Variants in ANOS1 observed in about 807,000 individuals in gnomAD.
ANOS1 encodes the protein anosmin 1.
ANOS1 carries 6 observed loss-of-function variants against 59.0 expected under a neutral mutation model. The ratio of observed to expected loss-of-function variants is 0.10; its 90% confidence interval spans 0.06 to 0.20. The LOEUF (loss-of-function observed/expected upper bound fraction) is 0.20. Among genes scored for constraint, ANOS1 ranks in the 10% least tolerant of loss-of-function variants. The probability of loss-of-function intolerance (pLI) is 1.00; values close to 1 mark genes in which losing one functional copy is unlikely to be tolerated. For missense variants in ANOS1, 433 were observed against 542.3 expected (o/e 0.80, Z 2.00); for synonymous variants, 217 against 223.4 (o/e 0.97, Z 0.25).
At chrX:8,661,682 G>A (rs1932040426) in intron 2 of ANOS1, among the ~76,000 whole-genome samples, 1 of 111,325 alleles carries the variant, frequency 9.0e-6, no homozygotes, top group Non-Finnish European at 1.9e-5. Flanking sequence ...AAGGGTTGCA[G>A]CCATAACAAA....
intron 1 of ANOS1, among the ~76,000 whole-genome samples, chrX:8,703,906 C>T (rs1305169566): frequency 1.8e-5 from 2 of 111,875 alleles, no homozygotes; most frequent in African/African-American, 3.2e-5. Flanking sequence ...CTGTGCAGGA[C>T]ACACCTTGAT....
intron 8 of ANOS1, chrX:8,566,296 A>G (rs1371178062): frequency 4.1e-6 from 3 of 728,415 alleles, no homozygotes; most frequent in Non-Finnish European, 4.9e-6. Flanking sequence ...GGCAGAAACC[A>G]AAATACATCA....
At chrX:8,684,557 G>T (rs1569082133) in intron 2 of ANOS1, among the ~76,000 whole-genome samples, 1 of 110,876 alleles carries the variant, frequency 9.0e-6, no homozygotes, top group African/African-American at 3.3e-5. Context: ...AGGAGGAGGG[G>T]AGGGTTATCC....
intron 1 of ANOS1, among the ~76,000 whole-genome samples, chrX:8,720,421 T>TA (rs78333056): frequency 3.6e-5 from 4 of 110,960 alleles, no homozygotes; most frequent in African/African-American, 9.8e-5. Context: ...TGGATAGGCC[T>TA]AAAAAAAAGC....
intron 1 of ANOS1, among the ~76,000 whole-genome samples, chrX:8,710,080 G>A (rs1008359222): frequency 1.6e-4 from 18 of 110,785 alleles, no homozygotes; most frequent in African/African-American, 4.3e-4. Context: ...GCAGGTGCCC[G>A]CCACCACGCC....
intron 8 of ANOS1, among the ~76,000 whole-genome samples, chrX:8,554,769 C>T (rs1929923000): frequency 1.8e-5 from 2 of 108,616 alleles, no homozygotes; most frequent in Non-Finnish European, 3.8e-5. Flanking sequence ...GACTCCCACA[C>T]AATAATAGTG....
At chrX:8,621,031 A>G (rs1180078183) in intron 3 of ANOS1, among the ~76,000 whole-genome samples, 1 of 112,010 alleles carries the variant, frequency 8.9e-6, no homozygotes, top group Admixed American at 9.5e-5. Context: ...ACTGATATTT[A>G]GGGATAATAA....
chrX:8,663,362 G>C (rs1034876001), intron 2 of ANOS1, among the ~76,000 whole-genome samples: 5 of 110,908 alleles, frequency 4.5e-5, no homozygotes, highest in African/African-American at 1.3e-4. Context: ...CCCATTCTTA[G>C]CTCATGAGCC....
rs761047442 is a variant in ANOS1, at chrX:8,669,590, A to T, written c.255+30108T>A. 1.9e-3 allele frequency among the ~76,000 whole-genome samples: 157 copies of T among 80,864 alleles called. 1 individual carries two copies. The highest frequency in any genetic ancestry group is 3.5e-3 in the Non-Finnish European group (142 of 40,414). 70.2% of individuals were successfully genotyped at this position (80,864 alleles called of 115,157 possible). On this transcript the variant is annotated intron_variant, in intron 2 of 13. Transcript: ENST00000262648. ...AATGGAATGCCTTATCAGGCCCAAA[A>T]CTGCTAAAAAAAAAAATAGCCTATT... is the stretch of plus-strand genomic sequence containing the variant.
intron 1 of ANOS1, among the ~76,000 whole-genome samples, chrX:8,711,701 C>T (rs981003778): frequency 8.9e-6 from 1 of 112,402 alleles, no homozygotes; most frequent in African/African-American, 3.2e-5. Flanking sequence ...GTTGATTAAT[C>T]CCAATTAATC....
rs190337081 is a variant in ANOS1, at chrX:8,529,551, C to T, written c.*3444G>A. 31 of 111,991 alleles carry T rather than the reference C, an allele frequency of 2.8e-4. No individual in the cohort carries two copies. In the East Asian group the frequency reaches 7.9e-3, roughly 28 times the overall value. 9.2% of individuals were successfully genotyped at this position (111,991 alleles called of 1,213,427 possible). ...ACATAGGGCAAAATTAGTATTTGTA[C>T]TTGTATGATACAGACACGAGTCAAA... On this transcript the variant is annotated 3_prime_UTR_variant, in exon 14 of 14. Transcript: ENST00000262648.
At chrX:8,537,056 G>A in intron 10 of ANOS1, 114 bp from the exon 11 acceptor site, 1 of 615,134 alleles carries the variant, frequency 1.6e-6, no homozygotes, top group Non-Finnish European at 2.6e-6. Flanking sequence ...TATATAGTGT[G>A]TGCAATATGG....
chrX:8,646,474 G>A (rs181214445), intron 2 of ANOS1, among the ~76,000 whole-genome samples: 8 of 111,190 alleles, frequency 7.2e-5, no homozygotes, highest in African/African-American at 2.6e-4. Flanking sequence ...AAGTGATACT[G>A]TATTTCTCAG....
At chrX:8,597,819 A>G (rs1930771248) in intron 3 of ANOS1, among the ~76,000 whole-genome samples, 1 of 108,326 alleles carries the variant, frequency 9.2e-6, no homozygotes, top group Non-Finnish European at 1.9e-5. Context: ...CTACAGACAC[A>G]CACCACCATC....
intron 2 of ANOS1, among the ~76,000 whole-genome samples, chrX:8,692,070 G>A (rs1177271172): frequency 9.0e-6 from 1 of 111,713 alleles, no homozygotes; most frequent in East Asian, 2.8e-4. Context: ...TGAATGTAAT[G>A]TCATAGAAGA....
chrX:8,574,303 C>CA (rs377507452), intron 6 of ANOS1, among the ~76,000 whole-genome samples: 1,163 of 79,997 alleles, frequency 0.015, 12 homozygotes, highest in African/African-American at 0.029. Flanking sequence ...CTCCATTTAC[C>CA]AAAAAAAAAA....
intron 2 of ANOS1, among the ~76,000 whole-genome samples, chrX:8,657,467 C>CTTTTTTTTT (rs1324799667): frequency 1.2e-5 from 1 of 83,958 alleles, no homozygotes; most frequent in Non-Finnish European, 2.3e-5. Context: ...ACTGTGCTTG[C>CTTTTTTTTT]TTTTTTTTTT....
chrX:8,534,528 A>G lies in ANOS1; in HGVS notation c.1843-68T>C, dbSNP rs1305710561. Reference sequence around the variant, plus strand: ...CAGAGACAACATGCAATGCACAGAGAGCCTAGAACAGTTTTTCCCCCACTG... The same window carrying G: ...CAGAGACAACATGCAATGCACAGAGGGCCTAGAACAGTTTTTCCCCCACTG... On this transcript the variant is annotated intron_variant, in intron 12 of 13. Coordinates refer to ENST00000262648, the MANE Select transcript of ANOS1 (RefSeq NM_000216.4). The G allele has an allele frequency of 2.3e-5, 25 of 1,092,921 alleles. No individual in the cohort carries two copies. The East Asian group carries it at 7.7e-4, about 34-fold the overall frequency. The allele number at this position is 1,092,921 out of a possible 1,213,427, so 90.1% of individuals were successfully genotyped here.
chrX:8,562,820 T>C (rs1212071382), intron 8 of ANOS1, among the ~76,000 whole-genome samples: 5 of 112,384 alleles, frequency 4.4e-5, no homozygotes, highest in African/African-American at 9.7e-5. Context: ...CATTCAGCCT[T>C]CACTTGAATA....
Sources: gnomAD v4.1 joint callset for allele counts (sites outside exome capture counted in the v4.1 genomes callset) on GRCh38, gnomAD v4.1.1 for gene constraint, MANE v1.5 for transcripts, NCBI Gene and HGNC (gene_info 2026-07-23, HGNC 2026-07-21) for gene names.